The following EIF4G3 variants were observed in gnomAD, a reference collection of about 807,000 sequenced individuals.
EIF4G3 encodes eIF-4-gamma 3.
EIF4G3 carries 34 observed loss-of-function variants against 186.4 expected under a neutral mutation model. That is an observed-to-expected ratio of 0.18 (90% CI 0.14 to 0.24). The LOEUF is 0.24. EIF4G3 is among the 10% of genes least tolerant of loss of function. The pLI, the probability that EIF4G3 is intolerant of heterozygous loss-of-function variation, is 1.00. For missense variants in EIF4G3, 1,536 were observed against 1,948.5 expected, an observed-to-expected ratio of 0.79 and a Z score of 3.99; for synonymous variants, 673 against 679.5, an observed-to-expected ratio of 0.99 and a Z score of 0.15.
intron 4 of EIF4G3, among the ~76,000 whole-genome samples, chr1:21,014,991 G>C (rs559033752): frequency 1.3e-5 from 2 of 151,672 alleles, no homozygotes; most frequent in Non-Finnish European, 2.9e-5. Flanking sequence ...AAGAAAGGTG[G>C]TGGGGGGGAG....
intron 2 of EIF4G3, among the ~76,000 whole-genome samples, chr1:21,161,142 G>C (rs2097760313): frequency 6.6e-6 from 1 of 152,152 alleles, no homozygotes; most frequent in African/African-American, 2.4e-5. Context: ...CTGCACTCCA[G>C]CTTGGGCAAG....
intron 11 of EIF4G3, among the ~76,000 whole-genome samples, chr1:20,970,685 C>T (rs901062847): frequency 8.6e-5 from 13 of 151,964 alleles, no homozygotes; most frequent in South Asian, 2.1e-4. Flanking sequence ...CAGATCTGGC[C>T]GGGCGCAGTG....
Position 20,942,148 on chromosome 1 carries a change from C to T in EIF4G3, c.1006G>A (p.Ala336Thr). ...TVSSVARSTI[A>T]APTSSALSSQ... ...CTAAGAGCAGAAGAGGTGGGGGCTG[C>T]AATTGTACTTCGAGCAACAGAAGAA... Residue 336 changes from alanine to threonine, a missense_variant, in exon 14 of 37, where the codon GCA becomes ACA. Coordinates refer to ENST00000602326, the MANE Select transcript of EIF4G3 (RefSeq NM_001391906.1). 1 of 1,614,068 alleles carries T rather than the reference C, an allele frequency of 6.2e-7. No homozygotes were observed. The highest frequency in any genetic ancestry group is 8.5e-7 in the Non-Finnish European group (1 of 1,179,982).
At chr1:20,856,000 G>A (rs188423885) in intron 25 of EIF4G3, among the ~76,000 whole-genome samples, 7 of 152,202 alleles carry the variant, frequency 4.6e-5, no homozygotes, top group East Asian at 1.9e-4. Flanking sequence ...ATTAAATACC[G>A]ACACATTTTT....
intron 29 of EIF4G3, among the ~76,000 whole-genome samples, chr1:20,845,480 G>A (rs1018564446): frequency 2.4e-4 from 37 of 152,080 alleles, no homozygotes; most frequent in African/African-American, 8.2e-4. Flanking sequence ...GGCTAACACC[G>A]TGAAACCCCG....
chr1:21,073,350 A>G (rs146321539), intron 3 of EIF4G3, among the ~76,000 whole-genome samples: 14 of 152,334 alleles, frequency 9.2e-5, no homozygotes, highest in Admixed American at 5.9e-4. Context: ...TGAAAATTAA[A>G]TAAAATTTAA....
chr1:21,018,079 C>T (rs1156544109), intron 4 of EIF4G3, among the ~76,000 whole-genome samples: 1 of 151,332 alleles, frequency 6.6e-6, no homozygotes, highest in Non-Finnish European at 1.5e-5. Flanking sequence ...GTTGTGACTA[C>T]AGGCATGTGC....
chr1:20,939,862 T>G (rs578243813), intron 14 of EIF4G3, among the ~76,000 whole-genome samples: 16 of 145,246 alleles, frequency 1.1e-4, no homozygotes, highest in African/African-American at 4.1e-4. Flanking sequence ...TTTTTTTTTT[T>G]TTTTTTTTTT....
In EIF4G3 at chr1:20,853,692, GATTTAGAAAAA is replaced by G; in HGVS notation, c.3434-26_3434-16del. 2 of 1,571,868 alleles carry G rather than the reference GATTTAGAAAAA, an allele frequency of 1.3e-6. No homozygotes were observed. The highest frequency in any genetic ancestry group is 1.8e-6 in the Non-Finnish European group (2 of 1,142,438). ...CCGTAAGGCATCTACACATGTCGAGGATTTAGAAAAAAATACAAATCACATGACTAAAATGC... is the reference window on the plus strand; with the variant it reads ...CCGTAAGGCATCTACACATGTCGAGGAATACAAATCACATGACTAAAATGC... On this transcript the variant is annotated splice_polypyrimidine_tract_variant and intron_variant, in intron 26 of 36. Transcript: ENST00000602326.
rs749499054 is a variant in EIF4G3 at position 20,829,110 on chromosome 1, T to C, written c.4187+37A>G. ...TAGCAAGTGAGTTATTAGTCAGTTC[T>C]ACCTGATATATATCAAGAGAAACAA... On this transcript the variant is annotated intron_variant, in intron 31 of 36. Transcript: ENST00000602326. 5 of 1,606,714 alleles carry C rather than the reference T, an allele frequency of 3.1e-6. No individual in the cohort carries two copies. The South Asian group carries it at 5.5e-5, about 18-fold the overall frequency.
At chr1:20,913,138 C>CAT (rs1342320212) in intron 14 of EIF4G3, among the ~76,000 whole-genome samples, 1 of 152,144 alleles carries the variant, frequency 6.6e-6, no homozygotes. Flanking sequence ...TTAGGCTTCC[C>CAT]ATGGTATGAC....
intron 30 of EIF4G3, among the ~76,000 whole-genome samples, chr1:20,840,152 T>G (rs1194780872): frequency 3.3e-5 from 5 of 152,180 alleles, no homozygotes; most frequent in Admixed American, 2.0e-4. Flanking sequence ...CAAATTTCAC[T>G]TTAAACATTG....
rs1375065362 is a variant in EIF4G3, at chr1:20,815,795, C to A, written c.4515+1597G>T. ...GAGGGAGGTGGGGGGGTCAGCCCCC[C>A]ACCCGGCCAGCCGCCCAGTCCGGGA... On this transcript the variant is annotated intron_variant, in intron 34 of 36. Transcript: ENST00000602326. Among the ~76,000 whole-genome samples, 5 of 129,918 alleles carry A rather than the reference C, an allele frequency of 3.8e-5. No homozygotes were observed. The East Asian group carries it at 1.3e-3, about 33-fold the overall frequency. 85.2% of individuals were successfully genotyped at this position (129,918 alleles called of 152,430 possible).
chr1:21,107,243 C>T (rs1371091800), intron 2 of EIF4G3, among the ~76,000 whole-genome samples: 1 of 152,172 alleles, frequency 6.6e-6, no homozygotes, highest in Non-Finnish European at 1.5e-5. Flanking sequence ...GTGGCACCAT[C>T]TTGGCTCGCT....
At chr1:21,068,324 G>A (rs1326702732) in intron 3 of EIF4G3, among the ~76,000 whole-genome samples, 2 of 134,868 alleles carry the variant, frequency 1.5e-5, no homozygotes, top group Admixed American at 8.6e-5. Context: ...AGCCGAGATC[G>A]TACCACTGCA....
At chr1:20,907,364 T>G (rs1239308805) in intron 14 of EIF4G3, among the ~76,000 whole-genome samples, 4 of 152,108 alleles carry the variant, frequency 2.6e-5, no homozygotes, top group Non-Finnish European at 4.4e-5. Context: ...GTAATGCTGA[T>G]TTCCAGATTT....
At chr1:20,853,815 T>C (rs755023183) in intron 26 of EIF4G3, 138 bp from the exon 27 acceptor site, 1 of 625,690 alleles carries the variant, frequency 1.6e-6, no homozygotes, top group South Asian at 1.9e-5. Flanking sequence ...CTGGTCCCTC[T>C]ACCATATTCT....
At chr1:20,912,377 C>T (rs2093351519) in intron 14 of EIF4G3, among the ~76,000 whole-genome samples, 2 of 152,136 alleles carry the variant, frequency 1.3e-5, no homozygotes, top group South Asian at 4.1e-4. Flanking sequence ...TGCAGATTAG[C>T]TGAAGATCTT....
At chr1:21,126,375 G>A (rs2097045179) in intron 2 of EIF4G3, among the ~76,000 whole-genome samples, 1 of 151,648 alleles carries the variant, frequency 6.6e-6, no homozygotes, top group Non-Finnish European at 1.5e-5. Context: ...TTAAGCTTAA[G>A]AGACTTAAAC....
Sources: gnomAD v4.1 joint callset for allele counts (sites outside exome capture counted in the v4.1 genomes callset) on GRCh38, gnomAD v4.1.1 for gene constraint, MANE v1.5 for transcripts, NCBI Gene and HGNC (gene_info 2026-07-23, HGNC 2026-07-21) for gene names.